Variants in RNGTT observed in about 807,000 individuals in gnomAD.
RNGTT encodes the protein RNA guanylyltransferase and 5'-phosphatase, also known as mRNA-capping enzyme.
Under a neutral mutation model 79.3 loss-of-function variants are expected in RNGTT, and 33 were observed. That is an observed-to-expected ratio of 0.42 (90% CI 0.32 to 0.56). The LOEUF (loss-of-function observed/expected upper bound fraction) is 0.56. RNGTT is among the 20% of genes least tolerant of loss of function. The pLI is 0.17. For synonymous variants in RNGTT, 222 were observed against 235.9 expected (o/e 0.94, Z 0.54); for missense variants, 497 against 739.1 (o/e 0.67, Z 3.80).
intron 11 of RNGTT, among the ~76,000 whole-genome samples, chr6:88,808,761 A>G (rs1780041160): frequency 6.6e-6 from 1 of 152,088 alleles, no homozygotes; most frequent in African/African-American, 2.4e-5. Flanking sequence ...AATATTTTAA[A>G]AAATGTAGGT....
intron 11 of RNGTT, among the ~76,000 whole-genome samples, chr6:88,840,809 A>G (rs1781262056): frequency 6.6e-6 from 1 of 152,216 alleles, no homozygotes; most frequent in African/African-American, 2.4e-5. Flanking sequence ...CTACATAACA[A>G]GTTGTTCCAC....
chr6:88,915,501 A>T (rs79681288), intron 4 of RNGTT, among the ~76,000 whole-genome samples: 3,333 of 152,332 alleles, frequency 0.022, 123 homozygotes, highest in African/African-American at 0.076. Flanking sequence ...TTATCCCAAG[A>T]GAATTAACGC....
intron 14 of RNGTT, among the ~76,000 whole-genome samples, chr6:88,638,374 T>C (rs1004712484): frequency 2.0e-5 from 3 of 152,170 alleles, no homozygotes; most frequent in Non-Finnish European, 4.4e-5. Flanking sequence ...AATTAATTCA[T>C]GCCTCATCCC....
At chr6:88,714,663 C>T (rs1776442731) in intron 13 of RNGTT, among the ~76,000 whole-genome samples, 1 of 90,870 alleles carries the variant, frequency 1.1e-5, no homozygotes. Flanking sequence ...GGGATGGTCT[C>T]GATCTCCTGA....
chr6:88,791,634 G>C (rs1156869086), intron 12 of RNGTT, among the ~76,000 whole-genome samples: 1 of 152,022 alleles, frequency 6.6e-6, no homozygotes, highest in Admixed American at 6.6e-5. Context: ...CCGCCTCCTG[G>C]GTTAACGCCA....
intron 1 of RNGTT, among the ~76,000 whole-genome samples, chr6:88,948,164 G>C (rs1368798673): frequency 7.8e-5 from 2 of 25,696 alleles, no homozygotes; most frequent in African/African-American, 1.8e-4. Context: ...CAGCCGCCCC[G>C]TCCGGGAGGG....
At chr6:88,953,422 CA>C (rs1785323264) in intron 1 of RNGTT, among the ~76,000 whole-genome samples, 1 of 151,704 alleles carries the variant, frequency 6.6e-6, no homozygotes, top group Admixed American at 6.6e-5. Context: ...CAGACAAAAA[CA>C]AAGAAAAAAA....
intron 14 of RNGTT, among the ~76,000 whole-genome samples, chr6:88,636,428 T>A (rs1430558113): frequency 1.3e-5 from 2 of 152,058 alleles, no homozygotes; most frequent in Non-Finnish European, 2.9e-5. Context: ...CAGATAGTGT[T>A]TGTATAACTC....
chr6:88,805,380 A>C (rs1779921823), intron 11 of RNGTT, among the ~76,000 whole-genome samples: 1 of 152,232 alleles, frequency 6.6e-6, no homozygotes. Flanking sequence ...ATCAGGCTTC[A>C]CAAGAAAGAC....
At chr6:88,763,393 T>C (rs1393268306) in intron 13 of RNGTT, among the ~76,000 whole-genome samples, 2 of 152,042 alleles carry the variant, frequency 1.3e-5, no homozygotes, top group Admixed American at 6.5e-5. Flanking sequence ...CTTGGGTATA[T>C]ACTTGAGAGT....
intron 14 of RNGTT, among the ~76,000 whole-genome samples, chr6:88,665,608 T>A (rs1335291610): frequency 6.6e-6 from 1 of 152,198 alleles, no homozygotes; most frequent in Non-Finnish European, 1.5e-5. Flanking sequence ...TTCTTTAGCA[T>A]CAGATTAGCT....
chr6:88,907,710 G>C (rs1045512483), intron 4 of RNGTT, among the ~76,000 whole-genome samples: 49 of 150,138 alleles, frequency 3.3e-4, no homozygotes, highest in Non-Finnish European at 6.2e-4. Flanking sequence ...TTTAATTAAA[G>C]GATATCCTAA....
At chr6:88,935,962 C>G (rs1226862064) in intron 2 of RNGTT, among the ~76,000 whole-genome samples, 1 of 152,094 alleles carries the variant, frequency 6.6e-6, no homozygotes, top group Non-Finnish European at 1.5e-5. Flanking sequence ...TTCTTTTGCC[C>G]AGGTTGAAGT....
chr6:88,776,666 A>G (rs1168779153), intron 12 of RNGTT, among the ~76,000 whole-genome samples: 39 of 17,510 alleles, frequency 2.2e-3, no homozygotes, highest in South Asian at 0.021. Flanking sequence ...CTTCTTTGGA[A>G]AAAAAAAAAA....
chr6:88,841,293 C>G (rs530380266), intron 11 of RNGTT, among the ~76,000 whole-genome samples: 6 of 152,148 alleles, frequency 3.9e-5, no homozygotes, highest in African/African-American at 1.4e-4. Context: ...TACACAAAAT[C>G]ATAATAAAAG....
At chr6:88,726,062 TAAAGAGA>T (rs1190745696) in intron 13 of RNGTT, among the ~76,000 whole-genome samples, 1 of 152,026 alleles carries the variant, frequency 6.6e-6, no homozygotes, top group African/African-American at 2.4e-5. Context: ...ATAGAAGTAG[TAAAGAGA>T]AAAGAGTGTA....
chr6:88,730,493 ATAGAAGTACCTTGCCT>A, intron 13 of RNGTT, among the ~76,000 whole-genome samples: 1 of 152,322 alleles, frequency 6.6e-6, no homozygotes, highest in East Asian at 1.9e-4. Flanking sequence ...GCACCCTTCT[ATAGAAGTACCTTGCCT>A]TGCTCAGAAT....
chr6:88,617,296 CT>C (rs1332304662), intron 14 of RNGTT, among the ~76,000 whole-genome samples: 1 of 152,124 alleles, frequency 6.6e-6, no homozygotes, highest in Non-Finnish European at 1.5e-5. Context: ...CCTATGTTAT[CT>C]TTTACAAGTT....
chr6:88,901,912 T>C (rs901005900), intron 6 of RNGTT, among the ~76,000 whole-genome samples: 2 of 152,068 alleles, frequency 1.3e-5, no homozygotes, highest in African/African-American at 2.4e-5. Context: ...AAGGAAATAA[T>C]ACAGGAAGCT....
Sources: gnomAD v4.1 joint callset for allele counts (sites outside exome capture counted in the v4.1 genomes callset) on GRCh38, gnomAD v4.1.1 for gene constraint, MANE v1.5 for transcripts, NCBI Gene and HGNC (gene_info 2026-07-23, HGNC 2026-07-21) for gene names.